Variants in ZNF283 observed in about 807,000 individuals in gnomAD.
The protein encoded by ZNF283 is zinc finger protein 283, also known as zinc finger protein 41.
In ZNF283, 10 loss-of-function variants were observed where a neutral mutation model predicts 9.2. That is an observed-to-expected ratio of 1.09 (90% CI 0.67 to 1.85). The LOEUF is 1.85. Among genes scored for constraint, ZNF283 ranks in the 40% most tolerant of loss-of-function variants. ZNF283 has a pLI of 0.00. For missense variants in ZNF283, 631 were observed against 760.1 expected, an observed-to-expected ratio of 0.83 and a Z score of 2.00; for synonymous variants, 234 against 244.1, an observed-to-expected ratio of 0.96 and a Z score of 0.38.
chr19:43,836,071 A>G (rs1457315572), intron 5 of ZNF283, among the ~76,000 whole-genome samples: 1 of 152,228 alleles, frequency 6.6e-6, no homozygotes, highest in East Asian at 1.9e-4. Context: ...CCTAAGGTCT[A>G]GATGATAATA....
chr19:43,835,494 TC>T lies in ZNF283; in HGVS notation c.123-8del. 1 of 1,600,808 alleles carries T rather than the reference TC, an allele frequency of 6.2e-7. No individual in the cohort carries two copies. The highest frequency in any genetic ancestry group is 8.5e-7 in the Non-Finnish European group (1 of 1,171,048). On this transcript the variant is annotated splice_polypyrimidine_tract_variant and intron_variant, in intron 4 of 6. Transcript: ENST00000618787. ...GCACACCTGGTTTAACGCTTCGTTT[TC>T]CCTCCCCAGTTCTGGCTTTTCTGGA...
rs1462955980 is a variant in ZNF283 at position 43,847,445 on chromosome 19, G to A, written c.844G>A (p.Glu282Lys). 1.2e-6 allele frequency: 2 copies of A among 1,613,902 alleles called. No homozygotes were observed. Among genetic ancestry groups the A allele is most frequent in the Non-Finnish European group, 1.7e-6 (2 of 1,179,902 alleles). The change falls in exon 7 of 7, where the codon GAG becomes AAG. Residue 282 changes from glutamate to lysine, a missense_variant. This residue lies in a region of ZNF283 where 444 missense variants were observed against 522.5 expected (regional missense o/e 0.85). Transcript: ENST00000618787. ...FSWGSSLVKH[E>K]RIHTGEKPYE... is the part of the protein sequence containing the mutation. ...CTGGGGATCAAGCCTTGTTAAACAT[G>A]AGAGAATTCACACTGGTGAGAAACC... is the stretch of plus-strand genomic sequence containing the variant.
intron 4 of ZNF283, among the ~76,000 whole-genome samples, chr19:43,834,106 A>G (rs1316812367): frequency 6.6e-6 from 1 of 152,212 alleles, no homozygotes; most frequent in Non-Finnish European, 1.5e-5. Context: ...TTTTTATTCT[A>G]CTAATGTTGG....
chr19:43,838,699 G>A (rs1971080044), intron 6 of ZNF283, among the ~76,000 whole-genome samples: 1 of 152,120 alleles, frequency 6.6e-6, no homozygotes, highest in African/African-American at 2.4e-5. Context: ...TAGTCAATGG[G>A]CTATATTCTG....
chr19:43,848,169 C>A lies in ZNF283; in HGVS notation c.1568C>A (p.Ala523Asp), dbSNP rs1250010945. 1 of 1,613,820 alleles carries A rather than the reference C, an allele frequency of 6.2e-7. No homozygotes were observed. The highest frequency in any genetic ancestry group is 8.5e-7 in the Non-Finnish European group (1 of 1,179,954). The stretch of plus-strand genomic sequence containing the variant: ...TATGAATGTAAGGAATGTGGGAAGG[C>A]TTTTAATTGTGGATCAAGCCTTGTT... ...KPYECKECGK[A>D]FNCGSSLVQH... Residue 523 changes from alanine to aspartate, a missense_variant, in exon 7 of 7, where the codon GCT becomes GAT. This residue lies in a region of ZNF283 where 444 missense variants were observed against 522.5 expected (regional missense o/e 0.85). Coordinates refer to ENST00000618787, the MANE Select transcript of ZNF283 (RefSeq NM_181845.2).
chr19:43,842,343 T>C (rs927986322), intron 6 of ZNF283, among the ~76,000 whole-genome samples: 1 of 152,240 alleles, frequency 6.6e-6, no homozygotes, highest in African/African-American at 2.4e-5. Context: ...CTGCTTTTAT[T>C]GACTGTATTT....
intron 5 of ZNF283, 94 bp from the exon 6 acceptor site, chr19:43,836,959 C>T: frequency 7.3e-7 from 1 of 1,362,788 alleles, no homozygotes; most frequent in Non-Finnish European, 1.0e-6. Context: ...TTATATTTCT[C>T]CCCCTCTTTG....
Position 43,851,418 on chromosome 19 carries a change from G to GAAA in ZNF283, c.*2788_*2790dup, listed in dbSNP as rs140939474. 7.1e-6 allele frequency: 1 copy of GAAA among 140,990 alleles called. No homozygotes were observed. The highest frequency in any genetic ancestry group is 1.5e-5 in the Non-Finnish European group (1 of 64,906). The allele number at this position is 140,990 out of a possible 1,614,324, so 8.7% of individuals were successfully genotyped here. On this transcript the variant is annotated 3_prime_UTR_variant, in exon 7 of 7. Coordinates refer to ENST00000618787, the MANE Select transcript of ZNF283 (RefSeq NM_181845.2). Reference sequence around the variant, plus strand: ...GCTTATCAAAAGACTAAAGAGAAGTGAAAAAAAAAAAAAGACGGCCGGGCG... The same window carrying GAAA: ...GCTTATCAAAAGACTAAAGAGAAGTGAAAAAAAAAAAAAAAAGACGGCCGGGCG...
chr19:43,847,590 G>T lies in ZNF283; in HGVS notation c.989G>T (p.Trp330Leu), dbSNP rs368199070. Residue 330 changes from tryptophan to leucine, a missense_variant, in exon 7 of 7, where the codon TGG (tryptophan) becomes TTG (leucine). By Grantham distance (61) the Trp-to-Leu change is moderately conservative (BLOSUM62 -2). Around this residue, in one of 3 missense-constraint regions of ZNF283, gnomAD observed 444 missense variants for 522.5 expected, o/e 0.85. Transcript: ENST00000618787. The stretch of plus-strand genomic sequence containing the variant: ...AAGGAATGTGGGAAGGCCTTTTTTT[G>T]GGGCTCAAGCCTTGCTAAACATGAG... The part of the protein sequence containing the change: ...KCKECGKAFF[W>L]GSSLAKHEII... 4.6e-4 allele frequency: 735 copies of T among 1,612,884 alleles called. No individual in the cohort carries two copies. The highest frequency in any genetic ancestry group is 5.8e-4 in the Non-Finnish European group (689 of 1,179,556).
chr19:43,829,108 G>T (rs182399933), intron 2 of ZNF283, among the ~76,000 whole-genome samples: 2 of 152,294 alleles, frequency 1.3e-5, no homozygotes, highest in East Asian at 3.9e-4. Context: ...CCCTGGGGTC[G>T]GGCACAGTGG....
Position 43,847,745 on chromosome 19 carries a change from A to C in ZNF283, c.1144A>C (p.Lys382Gln). 14 of 1,613,696 alleles carry C rather than the reference A, an allele frequency of 8.7e-6. No homozygotes were observed. The highest frequency in any genetic ancestry group is 1.2e-5 in the Non-Finnish European group (14 of 1,179,872). ...ACCTTATGAATGTAAAATATGTGGAAAGGCTTTTTGTTGGGGCTATCAACT... is the reference window on the plus strand; with the variant it reads ...ACCTTATGAATGTAAAATATGTGGACAGGCTTTTTGTTGGGGCTATCAACT... ...KKPYECKICGKAFCWGYQLTR... is the reference protein window; with the variant it reads ...KKPYECKICGQAFCWGYQLTR... Residue 382 changes from lysine (K) to glutamine (Q), a missense_variant, in exon 7 of 7, where the codon AAG becomes CAG. Coordinates refer to ENST00000618787, the MANE Select transcript of ZNF283 (RefSeq NM_181845.2).
At position 43,837,166 on chromosome 19, in the gene ZNF283, C is replaced by T; in HGVS notation, c.324C>T (p.Asn108=). 6.2e-7 allele frequency: 1 copy of T among 1,608,276 alleles called. No individual in the cohort carries two copies. The highest frequency in any genetic ancestry group is 8.5e-7 in the Non-Finnish European group (1 of 1,177,556). ...ATGTAATGTTGGAGAACTATAGTAA[C>T]TTGGTGTCACTGGGTAAGGTCATCT... is the stretch of plus-strand genomic sequence containing the variant. The part of the protein sequence containing the change: ...YVDVMLENYS[N]LVSLDLESKT... The change falls in exon 6 of 7, where the codon AAC becomes AAT. Residue 108 remains asparagine (N), a synonymous_variant. Transcript: ENST00000618787.
chr19:43,839,818 C>G (rs57096959), intron 6 of ZNF283, among the ~76,000 whole-genome samples: 61,493 of 151,844 alleles, frequency 0.4, 12,870 homozygotes, highest in South Asian at 0.55. Context: ...TTCATACATT[C>G]TTTTCCTGAT....
chr19:43,846,530 C>T (rs1411917803), intron 6 of ZNF283, among the ~76,000 whole-genome samples: 3 of 151,972 alleles, frequency 2.0e-5, no homozygotes, highest in East Asian at 1.9e-4. Context: ...GGCAGAGTTG[C>T]GACCATTGAG....
rs754105624 is a variant in ZNF283 at position 43,847,694 on chromosome 19, C to T, written c.1093C>T (p.His365Tyr). Residue 365 changes from histidine (H) to tyrosine (Y), a missense_variant, in exon 7 of 7, where the codon CAT (histidine) becomes TAT (tyrosine). Coordinates refer to ENST00000618787, the MANE Select transcript of ZNF283 (RefSeq NM_181845.2). ...AFSRGYQLTQ[H>Y]QKIHTGKKPY... ...CAGTCGTGGCTATCAGCTTACTCAG[C>T]ATCAGAAAATCCATACTGGTAAGAA... 1 of 1,613,494 alleles carries T rather than the reference C, an allele frequency of 6.2e-7. No individual in the cohort carries two copies. The highest frequency in any genetic ancestry group is 8.5e-7 in the Non-Finnish European group (1 of 1,179,614).
At chr19:43,828,737 C>T (rs916751975) in intron 2 of ZNF283, among the ~76,000 whole-genome samples, 30 of 150,246 alleles carry the variant, frequency 2.0e-4, no homozygotes, top group African/African-American at 7.6e-4. Flanking sequence ...CTCAGTGCAA[C>T]CTTGAAGTCC....
intron 6 of ZNF283, 70 bp downstream of exon 6, chr19:43,837,249 C>T (rs1971021135): frequency 6.9e-7 from 1 of 1,453,598 alleles, no homozygotes; most frequent in East Asian, 2.4e-5. Flanking sequence ...CTGGAAATTA[C>T]AGGGCTATCT....
chr19:43,846,329 AATTT>A (rs1213928139), intron 6 of ZNF283, among the ~76,000 whole-genome samples: 1 of 152,206 alleles, frequency 6.6e-6, no homozygotes, highest in Non-Finnish European at 1.5e-5. Context: ...GTAAATGTAA[AATTT>A]AATTGAACTT....
At position 43,849,723 on chromosome 19, in the gene ZNF283, A is replaced by G. The variant is rs1174976565; in HGVS notation, c.*1082A>G. On this transcript the variant is annotated 3_prime_UTR_variant, in exon 7 of 7. Coordinates refer to ENST00000618787, the MANE Select transcript of ZNF283 (RefSeq NM_181845.2). ...TACTACCTGTAGGATGGTGAGCAAA[A>G]TGCTTATCTCTTCTGGACATGATGT... 2 of 152,184 alleles carry G rather than the reference A, an allele frequency of 1.3e-5. No homozygotes were observed. The highest frequency in any genetic ancestry group is 6.5e-5 in the Admixed American group (1 of 15,280). The allele number at this position is 152,184 out of a possible 1,614,324, so 9.4% of individuals were successfully genotyped here. A position where few individuals can be genotyped will look rare whatever the true frequency, so the allele number is the denominator to read the frequency against.
Sources: gnomAD v4.1 joint callset for allele counts (sites outside exome capture counted in the v4.1 genomes callset) on GRCh38, gnomAD v4.1.1 for gene constraint, gnomAD v4.1.1 regional missense constraint, MANE v1.5 for transcripts, NCBI Gene and HGNC (gene_info 2026-07-23, HGNC 2026-07-21) for gene names.